VIRMA: variants seen among roughly 807,000 people sequenced by gnomAD.
The protein encoded by VIRMA is protein virilizer homolog.
VIRMA carries 65 observed loss-of-function variants against 182.4 expected under a neutral mutation model. The observed-to-expected ratio is 0.36, with a 90% CI of 0.29 to 0.44. The LOEUF is 0.44. Among genes scored for constraint, VIRMA ranks in the 20% least tolerant of loss-of-function variants. The pLI, the probability that VIRMA is intolerant of heterozygous loss-of-function variation, is 1.00. For synonymous variants in VIRMA, 709 were observed against 743.1 expected, an observed-to-expected ratio of 0.95 and a Z score of 0.75; for missense variants, 1,752 against 2,158.1, an observed-to-expected ratio of 0.81 and a Z score of 3.73.
At chr8:94,531,234 G>T in intron 5 of VIRMA, 149 bp from the exon 6 acceptor site, 1 of 858,406 alleles carries the variant, frequency 1.2e-6, no homozygotes, top group Non-Finnish European at 1.6e-6. Context: ...TGCAAAATCT[G>T]CATATATATA....
intron 4 of VIRMA, 101 bp downstream of exon 4, chr8:94,537,002 A>T: frequency 1.2e-6 from 1 of 812,274 alleles, no homozygotes; most frequent in Non-Finnish European, 2.1e-6. Context: ...AAAAAAAAAA[A>T]GATATGACAC....
chr8:94,493,463 A>G (rs1040317743), intron 20 of VIRMA, among the ~76,000 whole-genome samples: 1 of 152,210 alleles, frequency 6.6e-6, no homozygotes, highest in East Asian at 1.9e-4. Flanking sequence ...CACTAACAAC[A>G]TGTGCCTATC....
In VIRMA at chr8:94,519,052, A is replaced by C. The variant is rs1563468485; in HGVS notation, c.2446T>G (p.Phe816Val). The change falls in exon 9 of 24, where the codon TTT (phenylalanine) becomes GTT (valine). Residue 816 changes from phenylalanine to valine, a missense_variant. Phe to Val is a conservative substitution (Grantham distance 50). Coordinates refer to ENST00000297591, the MANE Select transcript of VIRMA (RefSeq NM_015496.5). ...PVGRSAVGHVFSLEKNLQSLI... is the reference protein window; with the variant it reads ...PVGRSAVGHVVSLEKNLQSLI... Reference sequence around the variant, plus strand: ...CTTTGGAGATTTTTCTCCAGACTAAAAACATGGCCAACAGCTGATCTTCCC... The same window carrying C: ...CTTTGGAGATTTTTCTCCAGACTAACAACATGGCCAACAGCTGATCTTCCC... 1.2e-6 allele frequency: 2 copies of C among 1,613,950 alleles called. No homozygotes were observed. Among genetic ancestry groups the C allele is most frequent in the Admixed American group, 1.7e-5 (1 of 60,022 alleles).
intron 11 of VIRMA, among the ~76,000 whole-genome samples, chr8:94,512,918 G>A (rs914583712): frequency 3.9e-5 from 6 of 152,222 alleles, no homozygotes; most frequent in Non-Finnish European, 8.8e-5. Flanking sequence ...GCCAGGTGGG[G>A]CACAGGTTAG....
intron 2 of VIRMA, among the ~76,000 whole-genome samples, chr8:94,539,148 C>T (rs955096415): frequency 2.0e-5 from 3 of 151,054 alleles, no homozygotes; most frequent in Non-Finnish European, 4.4e-5. Context: ...CTCAAGTGAT[C>T]CTCCCATGTC....
chr8:94,532,274 T>G (rs1482658263), intron 5 of VIRMA, among the ~76,000 whole-genome samples: 1 of 152,104 alleles, frequency 6.6e-6, no homozygotes, highest in Non-Finnish European at 1.5e-5. Flanking sequence ...GCCCAGCAAA[T>G]TTTTGTATTT....
chr8:94,515,299 G>A (rs537858569), intron 10 of VIRMA, among the ~76,000 whole-genome samples: 93 of 152,126 alleles, frequency 6.1e-4, no homozygotes, highest in African/African-American at 2.0e-3. Flanking sequence ...GTTTCACCAC[G>A]TTGGCCAGGC....
Position 94,488,879 on chromosome 8 carries a change from A to G in VIRMA, c.5285-19T>C. ...CGGTAACCTGTAAAAGAAAGAATAC[A>G]GTTTTTAGTTCCAATGTCCTTTCTT... On this transcript the variant is annotated intron_variant, in intron 23 of 23. Coordinates refer to ENST00000297591, the MANE Select transcript of VIRMA (RefSeq NM_015496.5). 6.2e-7 allele frequency: 1 copy of G among 1,605,192 alleles called. No homozygotes were observed.
In VIRMA at chr8:94,506,636, C is replaced by A; in HGVS notation, c.3961G>T (p.Glu1321Ter). 1 of 1,613,752 alleles carries A rather than the reference C, an allele frequency of 6.2e-7. No individual in the cohort carries two copies. The change falls in exon 16 of 24, where the codon GAA becomes TAA. Residue 1321 changes from glutamate to a stop codon, truncating the protein, a stop_gained. Coordinates refer to ENST00000297591, the MANE Select transcript of VIRMA (RefSeq NM_015496.5). LOFTEE classifies it high-confidence loss of function. ...CAGTCACAGATTGAGGTCATCAATT[C>A]TTTATTTGGTAGAGAATTGGAGAGC... is the stretch of plus-strand genomic sequence containing the variant. ...EQLSNSLPNK[E>*]LMTSICDCLL...
At chr8:94,518,331 A>C (rs1031399399) in intron 9 of VIRMA, among the ~76,000 whole-genome samples, 3 of 152,198 alleles carry the variant, frequency 2.0e-5, no homozygotes, top group Non-Finnish European at 2.9e-5. Context: ...TTCAACACTC[A>C]GTATTCCACT....
Position 94,509,953 on chromosome 8 carries a change from C to T in VIRMA, c.3627-13G>A, listed in dbSNP as rs752294405. ...ATCTTCTGAAGTGCTGAAATAAAATCGATACATTTAGTAAACAAAGTTCTT... is the reference window on the plus strand; with the variant it reads ...ATCTTCTGAAGTGCTGAAATAAAATTGATACATTTAGTAAACAAAGTTCTT... On this transcript the variant is annotated splice_polypyrimidine_tract_variant and intron_variant, in intron 14 of 23. Coordinates refer to ENST00000297591, the MANE Select transcript of VIRMA (RefSeq NM_015496.5). 7 of 1,591,356 alleles carry T rather than the reference C, an allele frequency of 4.4e-6. No homozygotes were observed. The highest frequency in any genetic ancestry group is 1.8e-5 in the Admixed American group (1 of 55,606).
intron 7 of VIRMA, among the ~76,000 whole-genome samples, chr8:94,528,303 C>T (rs191897312): frequency 1.6e-4 from 24 of 147,262 alleles, no homozygotes; most frequent in African/African-American, 5.7e-4. Context: ...TTGCCAAATA[C>T]AATAAATCTA....
chr8:94,532,109 ATGTTT>A (rs1236610354), intron 5 of VIRMA, among the ~76,000 whole-genome samples: 7 of 151,916 alleles, frequency 4.6e-5, no homozygotes, highest in African/African-American at 7.3e-5. Context: ...GTTTCTTTTT[ATGTTT>A]TGTTTTGTTT....
chr8:94,511,382 T>C lies in VIRMA; in HGVS notation c.3193A>G (p.Ile1065Val). ...SDEQKIQNDIIDILLTFTQGV... is the reference protein window; with the variant it reads ...SDEQKIQNDIVDILLTFTQGV... ...TGTGTAAAAGTCAGTAAAATATCAATGATATCATTCTGAATTTTCTGTTCA... is the reference window on the plus strand; with the variant it reads ...TGTGTAAAAGTCAGTAAAATATCAACGATATCATTCTGAATTTTCTGTTCA... Residue 1065 changes from isoleucine (I) to valine (V), a missense_variant, in exon 13 of 24, where the codon ATT becomes GTT. Physicochemically the swap from Ile to Val is conservative, Grantham distance 29. This residue lies in a region of VIRMA where 777 missense variants were observed against 920.6 expected (regional missense o/e 0.84). Transcript: ENST00000297591. The C allele has an allele frequency of 2.5e-6, 4 of 1,613,970 alleles. No individual in the cohort carries two copies. The highest frequency in any genetic ancestry group is 3.4e-6 in the Non-Finnish European group (4 of 1,179,940).
chr8:94,525,988 T>A (rs905828027), intron 8 of VIRMA, among the ~76,000 whole-genome samples: 1 of 152,218 alleles, frequency 6.6e-6, no homozygotes, highest in African/African-American at 2.4e-5. Flanking sequence ...AGCATCATTG[T>A]TAATTACTAA....
At position 94,518,614 on chromosome 8, in the gene VIRMA, A is replaced by G. The variant is rs184341422; in HGVS notation, c.2513+371T>C. On this transcript the variant is annotated intron_variant, in intron 9 of 23. Coordinates refer to ENST00000297591, the MANE Select transcript of VIRMA (RefSeq NM_015496.5). ...GTCAAAGCAATTCTGAATCCAGAGC[A>G]TGGTTTAGAATGCAAGGGCAGGAGC... Among the ~76,000 whole-genome samples the G allele has an allele frequency of 1.8e-4, 28 of 152,360 alleles. No individual in the cohort carries two copies. The East Asian group carries it at 4.8e-3, about 26-fold the overall frequency.
chr8:94,545,231 T>C (rs112702178), intron 1 of VIRMA, among the ~76,000 whole-genome samples: 3 of 152,242 alleles, frequency 2.0e-5, no homozygotes, highest in Admixed American at 6.5e-5. Context: ...ATATAATTCT[T>C]GTTTTCAATA....
intron 18 of VIRMA, 188 bp from the exon 19 acceptor site, chr8:94,496,079 A>G (rs1813763490): frequency 3.2e-6 from 2 of 634,336 alleles, no homozygotes; most frequent in Admixed American, 3.3e-5. Flanking sequence ...ATTTCTAAAC[A>G]ATAGCAGCAG....
chr8:94,526,876 G>C lies in VIRMA; in HGVS notation c.1368C>G (p.Leu456=). 1 of 1,614,188 alleles carries C rather than the reference G, an allele frequency of 6.2e-7. No homozygotes were observed. The highest frequency in any genetic ancestry group is 8.5e-7 in the Non-Finnish European group (1 of 1,180,038). ...AGGACACTAATTTGGTCCCAGCTTT[G>C]AGCTGTCGAACATTTAAGGCGATAG... ...RQPIALNVRQ[L]KAGTKLVSSL... Residue 456 remains leucine (L), a synonymous_variant, in exon 8 of 24, where the codon CTC becomes CTG. Transcript: ENST00000297591.
Sources: allele counts gnomAD v4.1 joint callset (sites outside exome capture counted in the v4.1 genomes callset), GRCh38; gene constraint gnomAD v4.1.1; regional missense constraint gnomAD v4.1.1; transcripts MANE v1.5; gene names NCBI Gene and HGNC (gene_info 2026-07-23, HGNC 2026-07-21).